The following DCTN4 variants were observed in gnomAD, a reference collection of about 807,000 sequenced individuals.
The protein encoded by DCTN4 is dynactin 4 (p62).
A neutral mutation model predicts 62.7 loss-of-function variants in DCTN4; 23 were observed. The observed-to-expected ratio is 0.37, with a 90% CI of 0.26 to 0.52. DCTN4 has a LOEUF of 0.52. Among genes scored for constraint, DCTN4 ranks in the 20% least tolerant of loss-of-function variants. The pLI, the probability that DCTN4 is intolerant of heterozygous loss-of-function variation, is 0.92. For missense variants in DCTN4, 514 were observed against 580.4 expected (o/e 0.89, Z 1.18); for synonymous variants, 199 against 202.1 (o/e 0.98, Z 0.13).
intron 8 of DCTN4, among the ~76,000 whole-genome samples, chr5:150,729,515 C>T (rs1760279880): frequency 6.6e-6 from 1 of 151,912 alleles, no homozygotes; most frequent in Non-Finnish European, 1.5e-5. Context: ...CAAGTCATTT[C>T]CTCCATAAAT....
rs376037513 is a variant in DCTN4, at chr5:150,733,357, C to T, written c.537+11G>A. On this transcript the variant is annotated intron_variant, in intron 5 of 12. Transcript: ENST00000447998. ...GAGGTCTTGCAAATCATTTTAGTAC[C>T]AAATTCTCACCGAAAAAGCCAGAGG... is the stretch of plus-strand genomic sequence containing the variant. 3 of 1,603,428 alleles carry T rather than the reference C, an allele frequency of 1.9e-6. No individual in the cohort carries two copies. The African/African-American group carries it at 4.0e-5, about 22-fold the overall frequency.
At chr5:150,714,376 CA>C (rs778025838) in intron 12 of DCTN4, among the ~76,000 whole-genome samples, 17 of 151,706 alleles carry the variant, frequency 1.1e-4, no homozygotes, top group Non-Finnish European at 2.1e-4. Context: ...GCCATCACTC[CA>C]AAAATGTCTT....
intron 5 of DCTN4, among the ~76,000 whole-genome samples, chr5:150,732,847 T>C (rs188136267): frequency 8.7e-4 from 132 of 152,290 alleles, no homozygotes; most frequent in African/African-American, 3.0e-3. Context: ...AAATAATTCT[T>C]ATCAAAAATT....
chr5:150,711,582 T>C (rs1430055742), intron 12 of DCTN4, among the ~76,000 whole-genome samples: 2 of 151,992 alleles, frequency 1.3e-5, no homozygotes, highest in Admixed American at 1.3e-4. Context: ...CTTGGGTCAC[T>C]GCAACCTCTG....
intron 5 of DCTN4, 76 bp downstream of exon 5, chr5:150,733,292 A>G (rs1473851614): frequency 2.0e-6 from 2 of 1,019,742 alleles, no homozygotes; most frequent in African/African-American, 3.2e-5. Context: ...AATCTAGGAC[A>G]ATGGCCATTT....
rs370454621 is a variant in DCTN4 at position 150,731,993 on chromosome 5, A to G, written c.538-504T>C. On this transcript the variant is annotated intron_variant, in intron 5 of 12. Coordinates refer to ENST00000447998, the MANE Select transcript of DCTN4 (RefSeq NM_016221.4). ...AGCAAACGCATATAGCAGGCAGGTT[A>G]TATGGGAAAATTGGAAGAATAATTC... The G allele has an allele frequency of 6.8e-5, 78 of 1,141,736 alleles. 1 individual carries two copies. Among genetic ancestry groups the G allele is most frequent in the East Asian group, 6.4e-4 (25 of 39,088 alleles). 70.7% of individuals were successfully genotyped at this position (1,141,736 alleles called of 1,614,324 possible).
chr5:150,734,661 A>G (rs1359318189), intron 4 of DCTN4, among the ~76,000 whole-genome samples: 1 of 152,208 alleles, frequency 6.6e-6, no homozygotes, highest in South Asian at 2.1e-4. Flanking sequence ...GGAAGGCGTA[A>G]AGGGGAAGTA....
chr5:150,729,320 C>T (rs1760272384), intron 8 of DCTN4, among the ~76,000 whole-genome samples: 1 of 151,954 alleles, frequency 6.6e-6, no homozygotes, highest in Admixed American at 6.6e-5. Flanking sequence ...AGGTACCCAT[C>T]ACCCAACTTC....
chr5:150,720,955 G>C (rs1759937058), intron 9 of DCTN4, among the ~76,000 whole-genome samples: 1 of 152,202 alleles, frequency 6.6e-6, no homozygotes, highest in Non-Finnish European at 1.5e-5. Context: ...TGCCATTTCT[G>C]TAGGTCTCTA....
chr5:150,756,638 T>TG, intron 1 of DCTN4, 151 bp from the exon 2 acceptor site: 1 of 244,776 alleles, frequency 4.1e-6, no homozygotes, highest in Non-Finnish European at 6.5e-6. Flanking sequence ...TTCAGTCACC[T>TG]GTTTTTTTTT....
At chr5:150,723,688 A>T (rs975605216) in intron 8 of DCTN4, among the ~76,000 whole-genome samples, 3 of 152,194 alleles carry the variant, frequency 2.0e-5, no homozygotes, top group Admixed American at 6.5e-5. Context: ...CTGGTTAAAA[A>T]TTTTTTTAAC....
rs146747890 is a variant in DCTN4 at position 150,716,090 on chromosome 5, G to C, written c.1072-428C>G. Among the ~76,000 whole-genome samples the C allele has an allele frequency of 7.6e-3, 1,156 of 152,202 alleles. 6 individuals are homozygous for C. Among genetic ancestry groups the C allele is most frequent in the Non-Finnish European group, 0.011 (781 of 68,012 alleles). Reference sequence around the variant, plus strand: ...TGGCTAATTTTTTGCAGTTTTAGTAGAGACGGGGTTTCACCATATTGGCCA... The same window carrying C: ...TGGCTAATTTTTTGCAGTTTTAGTACAGACGGGGTTTCACCATATTGGCCA... On this transcript the variant is annotated intron_variant, in intron 11 of 12. Coordinates refer to ENST00000447998, the MANE Select transcript of DCTN4 (RefSeq NM_016221.4).
chr5:150,747,637 A>G (rs1158519622), intron 3 of DCTN4, among the ~76,000 whole-genome samples: 2 of 151,952 alleles, frequency 1.3e-5, no homozygotes, highest in African/African-American at 2.4e-5. Flanking sequence ...ATAATGCCGC[A>G]TATCTACAAC....
rs986173773 is a variant in DCTN4 at position 150,736,076 on chromosome 5, A to T, written c.430-2601T>A. 9.2e-5 allele frequency among the ~76,000 whole-genome samples: 14 copies of T among 152,100 alleles called. No individual in the cohort carries two copies. In the East Asian group the frequency reaches 2.1e-3, roughly 23 times the overall value. Reference sequence around the variant, plus strand: ...ACAAAGAAAAAAGAATAATAACAATAATAATAAAAAATAAAGCCTCTAAGA... The same window carrying T: ...ACAAAGAAAAAAGAATAATAACAATTATAATAAAAAATAAAGCCTCTAAGA... On this transcript the variant is annotated intron_variant, in intron 4 of 12. Transcript: ENST00000447998.
At chr5:150,746,969 T>C (rs1199538953) in intron 3 of DCTN4, among the ~76,000 whole-genome samples, 2 of 152,030 alleles carry the variant, frequency 1.3e-5, no homozygotes, top group Non-Finnish European at 2.9e-5. Flanking sequence ...AAATAAAGGG[T>C]ATTCAATTAG....
intron 5 of DCTN4, 155 bp from the exon 6 acceptor site, chr5:150,731,644 G>C (rs1000396672): frequency 3.1e-5 from 20 of 649,726 alleles, no homozygotes; most frequent in Non-Finnish European, 7.9e-6. Flanking sequence ...GCAATTTGTA[G>C]CCCCACATCA....
At chr5:150,736,365 A>G (rs1760582062) in intron 4 of DCTN4, 1 of 152,248 alleles carries the variant, frequency 6.6e-6, no homozygotes, top group African/African-American at 2.4e-5. Context: ...AGGCAAAAAC[A>G]TCAGATAACC....
At chr5:150,719,407 G>C (rs958660057) in intron 10 of DCTN4, among the ~76,000 whole-genome samples, 3 of 152,180 alleles carry the variant, frequency 2.0e-5, no homozygotes, top group East Asian at 3.8e-4. Context: ...ACAGGAGATC[G>C]AAGAGAATCT....
At chr5:150,720,043 A>T (rs1759903498) in intron 9 of DCTN4, among the ~76,000 whole-genome samples, 1 of 152,212 alleles carries the variant, frequency 6.6e-6, no homozygotes, top group Non-Finnish European at 1.5e-5. Context: ...TTGCTTTGTA[A>T]TGACTAAGGC....
Sources: allele counts gnomAD v4.1 joint callset (sites outside exome capture counted in the v4.1 genomes callset), GRCh38; gene constraint gnomAD v4.1.1; transcripts MANE v1.5; gene names NCBI Gene and HGNC (gene_info 2026-07-23, HGNC 2026-07-21).